Variants in FREM2 observed in about 807,000 individuals in gnomAD.
FREM2 encodes FRAS1-related extracellular matrix protein 2.
Under a neutral mutation model 219.9 loss-of-function variants are expected in FREM2, and 119 were observed. That is an observed-to-expected ratio of 0.54 (90% CI 0.47 to 0.63). The LOEUF is 0.63. FREM2 is among the 30% of genes least tolerant of loss of function. The pLI, the probability that FREM2 is intolerant of heterozygous loss-of-function variation, is 0.00. For missense variants in FREM2, 4,030 were observed against 3,993.6 expected (o/e 1.01, Z -0.25); for synonymous variants, 1,562 against 1,522.8 (o/e 1.03, Z -0.60).
chr13:38,836,642 G>C (rs1876719036), intron 6 of FREM2, among the ~76,000 whole-genome samples: 1 of 152,164 alleles, frequency 6.6e-6, no homozygotes, highest in African/African-American at 2.4e-5. Flanking sequence ...GGTCTGTTCA[G>C]GGATTTGAAT....
At chr13:38,720,829 G>C (rs1217622507) in intron 2 of FREM2, among the ~76,000 whole-genome samples, 1 of 152,188 alleles carries the variant, frequency 6.6e-6, no homozygotes, top group Admixed American at 6.5e-5. Flanking sequence ...TGGTGAGGAG[G>C]GAGATGTCAG....
chr13:38,880,626 G>A lies in FREM2; in HGVS notation c.9349G>A (p.Gly3117Ser), dbSNP rs1258705617. 2 of 1,613,820 alleles carry A rather than the reference G, an allele frequency of 1.2e-6. No individual in the cohort carries two copies. The highest frequency in any genetic ancestry group is 2.2e-5 in the East Asian group (1 of 44,872). ...AGTCAGCCTGGTCACTGTGGTGGGA[G>A]GCACCACGGTAGGGTTACTCACCAT... ...SAVSLVTVVG[G>S]TTVGLLTICL... The change falls in exon 24 of 24, where the codon GGC (glycine) becomes AGC (serine). Residue 3117 changes from glycine to serine, a missense_variant. Transcript: ENST00000280481.
At chr13:38,821,265 C>T (rs1212394567) in intron 6 of FREM2, among the ~76,000 whole-genome samples, 1 of 151,788 alleles carries the variant, frequency 6.6e-6, no homozygotes, top group Admixed American at 6.6e-5. Context: ...AAATCTTATA[C>T]ATTTTTTTTT....
rs547515380 is a variant in FREM2 at position 38,756,843 on chromosome 13, T to A, written c.5264-7461T>A. On this transcript the variant is annotated intron_variant, in intron 2 of 23. Transcript: ENST00000280481. ...GGCGTGAACCACCATGCCTGGCTGGTTGGGGACCATTTTTAAAAATAGCAA... is the reference window on the plus strand; with the variant it reads ...GGCGTGAACCACCATGCCTGGCTGGATGGGGACCATTTTTAAAAATAGCAA... 2.6e-4 allele frequency among the ~76,000 whole-genome samples: 39 copies of A among 152,134 alleles called. 1 individual carries two copies. In the East Asian group the frequency reaches 6.6e-3, roughly 26 times the overall value.
Position 38,764,401 on chromosome 13 carries a change from A to T in FREM2, c.5361A>T (p.Leu1787=). The stretch of plus-strand genomic sequence containing the variant: ...TGGTCAATGAGGACTCCAAATTTCT[A>T]GATGTTGTTCTTAAACGTAGAGGTT... ...YYLVNEDSKF[L]DVVLKRRGYL... The change falls in exon 3 of 24, where the codon CTA becomes CTT. Residue 1787 remains leucine, a synonymous_variant. Transcript: ENST00000280481. 1 of 1,600,050 alleles carries T rather than the reference A, an allele frequency of 6.2e-7. No homozygotes were observed. Among genetic ancestry groups the T allele is most frequent in the African/African-American group, 1.3e-5 (1 of 74,780 alleles).
intron 11 of FREM2, among the ~76,000 whole-genome samples, chr13:38,855,922 T>C (rs943670633): frequency 2.0e-5 from 3 of 151,254 alleles, no homozygotes; most frequent in Admixed American, 2.0e-4. Flanking sequence ...AAAAAGAAAA[T>C]ATTAAAGTAA....
chr13:38,744,183 C>A (rs1593379419), intron 2 of FREM2, among the ~76,000 whole-genome samples: 2 of 144,610 alleles, frequency 1.4e-5, no homozygotes, highest in South Asian at 4.6e-4. Context: ...TGTTATTACT[C>A]TACAGATTTG....
At chr13:38,774,974 C>T (rs1468534824) in intron 4 of FREM2, among the ~76,000 whole-genome samples, 1 of 152,038 alleles carries the variant, frequency 6.6e-6, no homozygotes, top group Non-Finnish European at 1.5e-5. Flanking sequence ...AATATTTGAT[C>T]TCTGTAATCA....
In FREM2 at chr13:38,785,195, G is replaced by C. The variant is rs114829198; in HGVS notation, c.6019+387G>C. Among the ~76,000 whole-genome samples, 940 of 152,134 alleles carry C rather than the reference G, an allele frequency of 6.2e-3. 8 individuals carry two copies. The highest frequency in any genetic ancestry group is 0.02 in the African/African-American group (826 of 41,496). On this transcript the variant is annotated intron_variant, in intron 6 of 23. Coordinates refer to ENST00000280481, the MANE Select transcript of FREM2 (RefSeq NM_207361.6). ...AACTTTAATCTCAGTGTTTGAAACTGTTTTTTCAAAGAAACCTGTCGGGCA... is the reference window on the plus strand; with the variant it reads ...AACTTTAATCTCAGTGTTTGAAACTCTTTTTTCAAAGAAACCTGTCGGGCA...
At chr13:38,799,875 G>A (rs977843345) in intron 6 of FREM2, among the ~76,000 whole-genome samples, 2 of 151,946 alleles carry the variant, frequency 1.3e-5, no homozygotes, top group Non-Finnish European at 2.9e-5. Flanking sequence ...AAGGTAAAGT[G>A]CATTTCTTAT....
intron 6 of FREM2, among the ~76,000 whole-genome samples, chr13:38,814,122 A>G (rs1381320348): frequency 1.3e-5 from 2 of 152,140 alleles, no homozygotes; most frequent in Non-Finnish European, 2.9e-5. Flanking sequence ...AATTTCTTCA[A>G]GTCTCTTCAA....
chr13:38,775,053 G>T (rs1566137711), intron 4 of FREM2, among the ~76,000 whole-genome samples: 1 of 152,030 alleles, frequency 6.6e-6, no homozygotes, highest in Non-Finnish European at 1.5e-5. Flanking sequence ...TTATTTTAAA[G>T]GAATGTAGAA....
chr13:38,722,298 A>C (rs1871308273), intron 2 of FREM2, among the ~76,000 whole-genome samples: 1 of 152,072 alleles, frequency 6.6e-6, no homozygotes, highest in East Asian at 1.9e-4. Context: ...GGACTCAAGC[A>C]AGTCTCCTGC....
intron 6 of FREM2, among the ~76,000 whole-genome samples, chr13:38,830,848 GTT>G (rs1876480179): frequency 6.6e-6 from 1 of 152,164 alleles, no homozygotes; most frequent in Non-Finnish European, 1.5e-5. Context: ...GCTGTCACCT[GTT>G]ACAATCACTC....
In FREM2 at chr13:38,814,512, T is replaced by G. The variant is rs571315846; in HGVS notation, c.6019+29704T>G. 3.9e-5 allele frequency among the ~76,000 whole-genome samples: 6 copies of G among 152,194 alleles called. No individual in the cohort carries two copies. In the South Asian group the frequency reaches 1.2e-3, roughly 32 times the overall value. On this transcript the variant is annotated intron_variant, in intron 6 of 23. Transcript: ENST00000280481. ...CTTTCTTTCTGCCAAACATATAGCG[T>G]CTCTGTCTCTGTGCTGAGCCACCTG...
chr13:38,764,688 C>T (rs373358732), intron 3 of FREM2, among the ~76,000 whole-genome samples: 23 of 151,944 alleles, frequency 1.5e-4, no homozygotes, highest in Non-Finnish European at 2.8e-4. Flanking sequence ...TAATAAGTTA[C>T]GAAACAAAAA....
intron 2 of FREM2, among the ~76,000 whole-genome samples, chr13:38,721,814 A>G (rs1014968853): frequency 1.3e-5 from 2 of 152,152 alleles, no homozygotes; most frequent in Admixed American, 1.3e-4. Flanking sequence ...ATAGTACTAA[A>G]ATCTACTAAT....
chr13:38,751,192 C>CT (rs149240272), intron 2 of FREM2, among the ~76,000 whole-genome samples: 36,639 of 135,892 alleles, frequency 0.27, 6,972 homozygotes, highest in African/African-American at 0.53. Context: ...TATGACAGTT[C>CT]TTTTTTTTTT....
chr13:38,821,906 AGGCTCCC>A (rs1369395682), intron 6 of FREM2: 2 of 152,142 alleles, frequency 1.3e-5, no homozygotes, highest in Non-Finnish European at 2.9e-5. Context: ...ACTTGGCCTC[AGGCTCCC>A]GGAAGGCCAG....
Sources: gnomAD v4.1 joint callset for allele counts (sites outside exome capture counted in the v4.1 genomes callset) on GRCh38, gnomAD v4.1.1 for gene constraint, MANE v1.5 for transcripts, NCBI Gene and HGNC (gene_info 2026-07-23, HGNC 2026-07-21) for gene names.